Variants in FLYWCH1 observed in about 807,000 individuals in gnomAD.
FLYWCH1 encodes FLYWCH-type zinc finger-containing protein 1.
A neutral mutation model predicts 66.4 loss-of-function variants in FLYWCH1; 75 were observed. The observed-to-expected ratio is 1.13, with a 90% CI of 0.94 to 1.37. FLYWCH1 has a LOEUF of 1.37. Among genes scored for constraint, FLYWCH1 ranks in the 40% most tolerant of loss-of-function variants. The probability of loss-of-function intolerance (pLI) is 0.00; values close to 1 mark genes in which losing one functional copy is unlikely to be tolerated. For missense variants in FLYWCH1, 1,334 were observed against 1,001.8 expected (o/e 1.33, Z -4.48); for synonymous variants, 595 against 429.9 (o/e 1.38, Z -4.75).
At chr16:2,936,532 C>T (rs962344872) in intron 6 of FLYWCH1, 8 of 453,916 alleles carry the variant, frequency 1.8e-5, no homozygotes, top group African/African-American at 1.6e-4. Flanking sequence ...GTCCACGATG[C>T]CCCAGGCCAC....
chr16:2,937,074 C>T lies in FLYWCH1; in HGVS notation c.1514-47C>T, dbSNP rs969628793. On this transcript the variant is annotated intron_variant, in intron 6 of 9. Coordinates refer to ENST00000253928, the MANE Select transcript of FLYWCH1 (RefSeq NM_001308068.2). Reference sequence around the variant, plus strand: ...CATCTCGGGGCCATGCTGATCTGGGCTCTGAGAGCTGGTGTCCGCTGCTCC... The same window carrying T: ...CATCTCGGGGCCATGCTGATCTGGGTTCTGAGAGCTGGTGTCCGCTGCTCC... 3 of 1,541,572 alleles carry T rather than the reference C, an allele frequency of 1.9e-6. No individual in the cohort carries two copies. The African/African-American group carries it at 4.1e-5, about 21-fold the overall frequency.
chr16:2,946,257 A>G (rs981041169), intron 9 of FLYWCH1, among the ~76,000 whole-genome samples: 10 of 150,726 alleles, frequency 6.6e-5, no homozygotes, highest in African/African-American at 2.4e-4. Flanking sequence ...ACCCACCCAC[A>G]GCAACTTCCC....
In FLYWCH1 at chr16:2,912,014, G is replaced by A. The variant is rs1389346000; in HGVS notation, c.-328G>A. ...TCACGGGGCTCGCTCCCGAGGGGCA[G>A]GTCGGGGCTGGGAGCTGGTGCCCGG... On this transcript the variant is annotated 5_prime_UTR_variant, in exon 1 of 10. Coordinates refer to ENST00000253928, the MANE Select transcript of FLYWCH1 (RefSeq NM_001308068.2). The A allele has an allele frequency of 6.6e-6, 1 of 152,528 alleles. No homozygotes were observed. The highest frequency in any genetic ancestry group is 6.5e-5 in the Admixed American group (1 of 15,282). The allele number at this position is 152,528 out of a possible 1,614,324, so 9.4% of individuals were successfully genotyped here.
rs771986099 is a variant in FLYWCH1, at chr16:2,938,202, AG to A, written c.1797del (p.Glu599AspfsTer3). 5.0e-6 allele frequency: 8 copies of A among 1,612,822 alleles called. No individual in the cohort carries two copies. The East Asian group carries it at 1.8e-4, about 36-fold the overall frequency. ...CTTTCAGATCCTCTCCGGCCCCTGG[AG>A]TTCCTGAGGACTTCCCTGGGGGGCA... ...WDSPDPLRPL[E>X]FLRTSLGGRF... On this transcript the variant is annotated frameshift_variant, in exon 8 of 10. Transcript: ENST00000253928. LOFTEE classifies it high-confidence loss of function.
At chr16:2,928,246 C>T (rs1206000334) in intron 2 of FLYWCH1, among the ~76,000 whole-genome samples, 1 of 152,192 alleles carries the variant, frequency 6.6e-6, no homozygotes, top group Non-Finnish European at 1.5e-5. Context: ...CAGAAAGCTT[C>T]CTCTTACCTC....
At chr16:2,917,032 T>C (rs1363109419) in intron 2 of FLYWCH1, among the ~76,000 whole-genome samples, 4 of 150,248 alleles carry the variant, frequency 2.7e-5, no homozygotes, top group Non-Finnish European at 5.9e-5. Flanking sequence ...AGCGCGCACC[T>C]GTAATCCCAG....
At chr16:2,928,857 A>T (rs1483325799) in intron 2 of FLYWCH1, 1 of 152,150 alleles carries the variant, frequency 6.6e-6, no homozygotes, top group Non-Finnish European at 1.5e-5. Context: ...AATTCTCCAG[A>T]CACCACCACA....
chr16:2,947,879 A>AT (rs561372359), intron 9 of FLYWCH1, among the ~76,000 whole-genome samples: 3 of 150,384 alleles, frequency 2.0e-5, no homozygotes, highest in Admixed American at 6.6e-5. Flanking sequence ...ACAAAAAAAA[A>AT]TTTTTTTTTT....
chr16:2,934,061 C>G, intron 6 of FLYWCH1, 82 bp downstream of exon 6: 1 of 1,408,336 alleles, frequency 7.1e-7, no homozygotes, highest in Non-Finnish European at 9.3e-7. Flanking sequence ...TGCTGCGGCT[C>G]CCCCTGGCAA....
chr16:2,936,502 C>G (rs757570002), intron 6 of FLYWCH1: 15 of 448,306 alleles, frequency 3.3e-5, no homozygotes, highest in South Asian at 2.0e-4. Flanking sequence ...CCATCCCCTG[C>G]TTCCACTGCC....
chr16:2,935,312 T>G (rs1489339600), intron 6 of FLYWCH1: 1 of 152,404 alleles, frequency 6.6e-6, no homozygotes, highest in Non-Finnish European at 1.5e-5. Context: ...CTCTGTCTTC[T>G]CTGTGGGGTG....
chr16:2,914,908 CAAAA>C (rs555910638), intron 2 of FLYWCH1, among the ~76,000 whole-genome samples: 2 of 72,708 alleles, frequency 2.8e-5, no homozygotes, highest in Non-Finnish European at 2.7e-5. Context: ...GACTCTGTCT[CAAAA>C]AAAAAAAAAA....
chr16:2,944,394 CAAA>C (rs58680101), intron 9 of FLYWCH1, among the ~76,000 whole-genome samples: 4 of 97,942 alleles, frequency 4.1e-5, no homozygotes, highest in Non-Finnish European at 4.2e-5. Context: ...AACTCCATCT[CAAA>C]AAAAAAAAAA....
intron 9 of FLYWCH1, among the ~76,000 whole-genome samples, chr16:2,942,891 G>A (rs760380126): frequency 1.2e-3 from 189 of 151,810 alleles, no homozygotes; most frequent in Non-Finnish European, 2.3e-3. Flanking sequence ...TAGTGGAGAC[G>A]GGGTTTCGCT....
intron 6 of FLYWCH1, 153 bp from the exon 7 acceptor site, chr16:2,936,968 T>G: frequency 3.8e-5 from 29 of 763,604 alleles, no homozygotes; most frequent in Non-Finnish European, 4.5e-5. Context: ...CCCAGCAGAG[T>G]TGGGGGGATG....
chr16:2,927,165 T>G (rs1392522821), intron 2 of FLYWCH1, among the ~76,000 whole-genome samples: 1 of 152,172 alleles, frequency 6.6e-6, no homozygotes, highest in African/African-American at 2.4e-5. Context: ...GTTTAATACG[T>G]CAGCACCACA....
At position 2,933,502 on chromosome 16, in the gene FLYWCH1, A is replaced by G. The variant is rs769040241; in HGVS notation, c.1169A>G (p.Lys390Arg). 4.3e-6 allele frequency: 7 copies of G among 1,611,540 alleles called. No homozygotes were observed. Among genetic ancestry groups the G allele is most frequent in the African/African-American group, 1.3e-5 (1 of 74,902 alleles). ...PLTLTRPRPR[K>R]RAKVEDQELP... Reference sequence around the variant, plus strand: ...ACTCTCACCAGGCCTCGGCCCAGAAAGCGAGCAAAGGTCGAAGACCAGGAG... The same window carrying G: ...ACTCTCACCAGGCCTCGGCCCAGAAGGCGAGCAAAGGTCGAAGACCAGGAG... Residue 390 changes from lysine to arginine, a missense_variant, in exon 5 of 10, where the codon AAG becomes AGG. Physicochemically the swap from Lys to Arg is conservative, Grantham distance 26 (BLOSUM62 2). Transcript: ENST00000253928.
chr16:2,940,717 A>C (rs1273659062), intron 9 of FLYWCH1, among the ~76,000 whole-genome samples: 1 of 152,202 alleles, frequency 6.6e-6, no homozygotes, highest in Non-Finnish European at 1.5e-5. Context: ...GATTACAGGC[A>C]AGAGCCACTG....
chr16:2,934,772 C>T (rs757531244), intron 6 of FLYWCH1: 1 of 416,294 alleles, frequency 2.4e-6, no homozygotes, highest in African/African-American at 2.0e-5. Flanking sequence ...GTCCCCGCCT[C>T]GTCCTCACCC....
Sources: allele counts gnomAD v4.1 joint callset (sites outside exome capture counted in the v4.1 genomes callset), GRCh38; gene constraint gnomAD v4.1.1; transcripts MANE v1.5; gene names NCBI Gene and HGNC (gene_info 2026-07-23, HGNC 2026-07-21).